The following ERC1 variants were observed in gnomAD, a reference collection of about 807,000 sequenced individuals.
ERC1 encodes the protein RAB6 interacting protein 2.
Under a neutral mutation model 132.0 loss-of-function variants are expected in ERC1, and 56 were observed. The ratio of observed to expected loss-of-function variants is 0.42; its 90% CI spans 0.34 to 0.53. The LOEUF (loss-of-function observed/expected upper bound fraction) is 0.53. ERC1 is among the 20% of genes least tolerant of loss of function. The probability of loss-of-function intolerance (pLI) is 0.03; values close to 1 mark genes in which losing one functional copy is unlikely to be tolerated. For synonymous variants in ERC1, 478 were observed against 476.1 expected, an observed-to-expected ratio of 1.00 and a Z score of -0.05; for missense variants, 1,202 against 1,349.9, an observed-to-expected ratio of 0.89 and a Z score of 1.72.
In ERC1 at chr12:1,389,853, A is replaced by G. The variant is rs74553679; in HGVS notation, c.2925+17876A>G. 2.3e-3 allele frequency among the ~76,000 whole-genome samples: 352 copies of G among 152,342 alleles called. 2 individuals are homozygous for G. Among genetic ancestry groups the G allele is most frequent in the African/African-American group, 8.2e-3 (340 of 41,566 alleles). On this transcript the variant is annotated intron_variant, in intron 16 of 18. Transcript: ENST00000360905. ...CCTATTTTCCTTAAAAGCACCTTACATTAAAAAATCTGTTTTGCATTCAGT... is the reference window on the plus strand; with the variant it reads ...CCTATTTTCCTTAAAAGCACCTTACGTTAAAAAATCTGTTTTGCATTCAGT...
At chr12:1,280,058 C>G (rs182419908) in intron 14 of ERC1, among the ~76,000 whole-genome samples, 2 of 152,266 alleles carry the variant, frequency 1.3e-5, no homozygotes, top group Admixed American at 6.5e-5. Flanking sequence ...AGGAAGCACT[C>G]TTGGAGTCTA....
chr12:1,093,856 AAAAG>A (rs955050515), intron 3 of ERC1, among the ~76,000 whole-genome samples: 4 of 147,492 alleles, frequency 2.7e-5, no homozygotes, highest in African/African-American at 9.9e-5. Context: ...ATTAAAGAAA[AAAAG>A]AAACATATAT....
chr12:1,218,819 C>CATATATATATAT (rs369422257), intron 12 of ERC1, among the ~76,000 whole-genome samples: 3 of 148,486 alleles, frequency 2.0e-5, no homozygotes, highest in African/African-American at 7.5e-5. Flanking sequence ...GTCCTATTCT[C>CATATATATATAT]ATATATATAT....
intron 16 of ERC1, among the ~76,000 whole-genome samples, chr12:1,384,824 G>C (rs922905529): frequency 6.6e-6 from 1 of 152,166 alleles, no homozygotes; most frequent in Non-Finnish European, 1.5e-5. Context: ...TTCCTGAATG[G>C]AGCATTTAGA....
At position 1,021,989 on chromosome 12, in the gene ERC1, C is replaced by G. The variant is rs115846733; in HGVS notation, c.-156-5759C>G. ...ATAAAATCCTAGTTCCTTCACAGTT[C>G]TCAACATTACTTATGTTTACTTTAG... On this transcript the variant is annotated intron_variant, in intron 1 of 18. Coordinates refer to ENST00000360905, the MANE Select transcript of ERC1 (RefSeq NM_178040.4). Among the ~76,000 whole-genome samples, 1,205 of 152,314 alleles carry G rather than the reference C, an allele frequency of 7.9e-3. 12 individuals carry two copies. Among genetic ancestry groups the G allele is most frequent in the African/African-American group, 0.027 (1,123 of 41,574 alleles).
At position 1,432,115 on chromosome 12, in the gene ERC1, G is replaced by A. The variant is rs376468358; in HGVS notation, c.3025-12447G>A. On this transcript the variant is annotated intron_variant, in intron 17 of 18. Transcript: ENST00000360905. ...GTTGGTCTCGAACTCCTGAGCTCAA[G>A]CAGTCCTCCCACCTCGACCTCCCAA... 3.3e-5 allele frequency among the ~76,000 whole-genome samples: 5 copies of A among 152,248 alleles called. No individual in the cohort carries two copies. The East Asian group carries it at 5.8e-4, about 18-fold the overall frequency.
At chr12:1,186,236 A>G (rs987849646) in intron 11 of ERC1, among the ~76,000 whole-genome samples, 1 of 152,224 alleles carries the variant, frequency 6.6e-6, no homozygotes, top group African/African-American at 2.4e-5. Flanking sequence ...TTGAATAAGG[A>G]AAAAAACGTG....
At chr12:1,200,567 T>C (rs1956811536) in intron 12 of ERC1, among the ~76,000 whole-genome samples, 1 of 151,810 alleles carries the variant, frequency 6.6e-6, no homozygotes, top group Non-Finnish European at 1.5e-5. Context: ...CCTTTTCTTT[T>C]TTTTTTTCTG....
Position 1,112,167 on chromosome 12 carries a change from A to C in ERC1, c.1318-48A>C, listed in dbSNP as rs931964558. 4 of 1,280,936 alleles carry C rather than the reference A, an allele frequency of 3.1e-6. No homozygotes were observed. The Admixed American group carries it at 5.3e-5, about 17-fold the overall frequency. The allele number at this position is 1,280,936 out of a possible 1,614,324, so 79.3% of individuals were successfully genotyped here. On this transcript the variant is annotated intron_variant, in intron 5 of 18. Transcript: ENST00000360905. ...TCTGCCTCAAAAGTAGACAAGAAGA[A>C]GACCTAAGTTGACACATAAGTGAAA...
chr12:1,263,830 C>T (rs2077296804), intron 14 of ERC1, among the ~76,000 whole-genome samples: 1 of 152,056 alleles, frequency 6.6e-6, no homozygotes, highest in South Asian at 2.1e-4. Context: ...GCTGGGATTA[C>T]AGGTGCCTGC....
At chr12:1,107,830 G>A (rs1945426086) in intron 4 of ERC1, among the ~76,000 whole-genome samples, 1 of 152,132 alleles carries the variant, frequency 6.6e-6, no homozygotes, top group Non-Finnish European at 1.5e-5. Flanking sequence ...CCTTTGTGGT[G>A]TTGGGGTGTT....
Position 1,356,212 on chromosome 12 carries a change from AAGTGTGTGT to A in ERC1, c.2781-15620_2781-15612del, listed in dbSNP as rs1252024046. Among the ~76,000 whole-genome samples the A allele has an allele frequency of 7.8e-3, 924 of 119,094 alleles. 7 individuals carry two copies. The highest frequency in any genetic ancestry group is 0.026 in the African/African-American group (794 of 30,204). The allele number at this position is 119,094 out of a possible 152,430, so 78.1% of individuals were successfully genotyped here. ...AAGTGAGACTGTCAAAAAAAAAAAA[AAGTGTGTGT>A]GTGTGTGTGTGTGTGTGTGTGTGTG... On this transcript the variant is annotated intron_variant, in intron 15 of 18. Coordinates refer to ENST00000360905, the MANE Select transcript of ERC1 (RefSeq NM_178040.4).
At chr12:1,192,901 G>A (rs1037011114) in intron 12 of ERC1, among the ~76,000 whole-genome samples, 1 of 152,146 alleles carries the variant, frequency 6.6e-6, no homozygotes, top group Non-Finnish European at 1.5e-5. Flanking sequence ...GATATTGCTA[G>A]TTGTGATTGC....
At chr12:1,108,915 A>G (rs1190489307) in intron 4 of ERC1, among the ~76,000 whole-genome samples, 2 of 152,218 alleles carry the variant, frequency 1.3e-5, no homozygotes, top group Admixed American at 6.5e-5. Context: ...AATCTCTCTC[A>G]TCTTTATGCT....
chr12:1,133,977 T>G (rs1023535873), intron 7 of ERC1, among the ~76,000 whole-genome samples: 1 of 152,254 alleles, frequency 6.6e-6, no homozygotes, highest in Non-Finnish European at 1.5e-5. Context: ...GTTTTTCTGC[T>G]TCTTTGCTTG....
At chr12:1,208,894 G>A (rs933784472) in intron 12 of ERC1, among the ~76,000 whole-genome samples, 2 of 148,934 alleles carry the variant, frequency 1.3e-5, no homozygotes, top group Non-Finnish European at 3.0e-5. Context: ...GGGTTCAAGT[G>A]ATTCTCCTGC....
At chr12:1,485,794 A>G (rs947219157) in intron 18 of ERC1, among the ~76,000 whole-genome samples, 11 of 152,148 alleles carry the variant, frequency 7.2e-5, no homozygotes, top group African/African-American at 2.7e-4. Flanking sequence ...TTCCTTTATG[A>G]CTTCTGAATT....
intron 16 of ERC1, among the ~76,000 whole-genome samples, chr12:1,401,593 C>T (rs964165737): frequency 6.6e-6 from 1 of 152,050 alleles, no homozygotes. Flanking sequence ...GTTATTTAGG[C>T]TCTCTGTACC....
chr12:1,415,609 A>G (rs908455536), intron 17 of ERC1, among the ~76,000 whole-genome samples: 1 of 152,224 alleles, frequency 6.6e-6, no homozygotes, highest in African/African-American at 2.4e-5. Context: ...AAATTTCTAG[A>G]GAATACATCC....
Sources: allele counts gnomAD v4.1 joint callset (sites outside exome capture counted in the v4.1 genomes callset), GRCh38; gene constraint gnomAD v4.1.1; transcripts MANE v1.5; gene names NCBI Gene and HGNC (gene_info 2026-07-23, HGNC 2026-07-21).